HEMK2: variants seen among roughly 807,000 people sequenced by gnomAD.
HEMK2 encodes methyltransferase HEMK2.
the HEMK2 span, among the ~76,000 whole-genome samples, chr21:28,717,574 G>A: frequency 6.8e-6 from 1 of 146,712 alleles, no homozygotes; most frequent in Admixed American, 7.1e-5. Context: ...CCGCCTCCTG[G>A]GTTCAAGCAA....
At chr21:28,833,924 T>G in the HEMK2 span, among the ~76,000 whole-genome samples, 1 of 152,334 alleles carries the variant, frequency 6.6e-6, no homozygotes, top group East Asian at 1.9e-4. Flanking sequence ...GAAAGGCCTG[T>G]TTTCATGACT....
At chr21:28,715,959 G>A in the HEMK2 span, among the ~76,000 whole-genome samples, 7 of 152,068 alleles carry the variant, frequency 4.6e-5, no homozygotes, top group African/African-American at 1.4e-4. Context: ...GTACGCAGGA[G>A]GCTTTATTTC....
At chr21:28,804,517 T>C in the HEMK2 span, among the ~76,000 whole-genome samples, 1 of 152,092 alleles carries the variant, frequency 6.6e-6, no homozygotes, top group Admixed American at 6.5e-5. Context: ...AGAGGATCGT[T>C]TGAGCCCAGG....
chr21:28,883,209 T>G, the HEMK2 span: 3 of 500,340 alleles, frequency 6.0e-6, no homozygotes, highest in Non-Finnish European at 1.0e-5. Context: ...AATAGAAATT[T>G]ATAATTTCTG....
the HEMK2 span, among the ~76,000 whole-genome samples, chr21:28,623,146 A>G: frequency 0.021 from 3,182 of 152,276 alleles, 118 homozygotes; most frequent in African/African-American, 0.07. Flanking sequence ...ATTTACAAGA[A>G]AAAAACAACC....
At chr21:28,689,606 A>G in the HEMK2 span, among the ~76,000 whole-genome samples, 1 of 152,180 alleles carries the variant, frequency 6.6e-6, no homozygotes, top group African/African-American at 2.4e-5. Flanking sequence ...GCAGAATTCT[A>G]AAGACATCCT....
At chr21:28,766,809 A>G in the HEMK2 span, among the ~76,000 whole-genome samples, 1 of 152,084 alleles carries the variant, frequency 6.6e-6, no homozygotes, top group Non-Finnish European at 1.5e-5. Context: ...GAGGACACAA[A>G]GGCATAAGAA....
At chr21:28,721,594 G>A in the HEMK2 span, among the ~76,000 whole-genome samples, 1 of 152,166 alleles carries the variant, frequency 6.6e-6, no homozygotes, top group African/African-American at 2.4e-5. Flanking sequence ...ATAAACAGCT[G>A]AATTGGGAGG....
At chr21:28,654,617 T>C in the HEMK2 span, among the ~76,000 whole-genome samples, 3 of 152,128 alleles carry the variant, frequency 2.0e-5, no homozygotes, top group African/African-American at 7.2e-5. Context: ...ACACACATTT[T>C]AATGTATTTC....
the HEMK2 span, among the ~76,000 whole-genome samples, chr21:28,750,308 T>C: frequency 6.6e-6 from 1 of 152,224 alleles, no homozygotes; most frequent in Non-Finnish European, 1.5e-5. Flanking sequence ...AAGACCACAG[T>C]GTAGAACATC....
At chr21:28,649,469 G>A in the HEMK2 span, among the ~76,000 whole-genome samples, 1 of 152,196 alleles carries the variant, frequency 6.6e-6, no homozygotes, top group Non-Finnish European at 1.5e-5. Flanking sequence ...CACTGTTTTA[G>A]GAACTGGAAA....
the HEMK2 span, among the ~76,000 whole-genome samples, chr21:28,601,243 T>G: frequency 0.018 from 2,699 of 152,240 alleles, 106 homozygotes; most frequent in African/African-American, 0.063. Flanking sequence ...CACTACCATC[T>G]CACTGGGCGC....
At chr21:28,831,373 G>C in the HEMK2 span, among the ~76,000 whole-genome samples, 3 of 150,000 alleles carry the variant, frequency 2.0e-5, no homozygotes, top group Non-Finnish European at 4.4e-5. Flanking sequence ...TTGAACCTGG[G>C]AGGCAGAGTT....
chr21:28,821,151 T>C, the HEMK2 span, among the ~76,000 whole-genome samples: 1 of 152,176 alleles, frequency 6.6e-6, no homozygotes, highest in Non-Finnish European at 1.5e-5. Flanking sequence ...TTTTTGAAGA[T>C]TTTTCCTGCC....
At chr21:28,649,135 C>T in the HEMK2 span, among the ~76,000 whole-genome samples, 67 of 152,210 alleles carry the variant, frequency 4.4e-4, no homozygotes, top group Middle Eastern at 3.4e-3. Flanking sequence ...CTCTACGCCA[C>T]GGTACAGCAG....
At chr21:28,665,860 G>C in the HEMK2 span, among the ~76,000 whole-genome samples, 97 of 152,162 alleles carry the variant, frequency 6.4e-4, no homozygotes, top group African/African-American at 2.2e-3. Flanking sequence ...TGATAGACTG[G>C]ATTATATTTC....
chr21:28,694,367 T>A, the HEMK2 span, among the ~76,000 whole-genome samples: 2 of 152,210 alleles, frequency 1.3e-5, no homozygotes, highest in Non-Finnish European at 2.9e-5. Context: ...ATGCTCTAAG[T>A]ACTATGAGAA....
the HEMK2 span, among the ~76,000 whole-genome samples, chr21:28,590,869 G>A: frequency 6.6e-6 from 1 of 152,244 alleles, no homozygotes; most frequent in Non-Finnish European, 1.5e-5. Context: ...TAATGCAGCA[G>A]GCATGCATAA....
At chr21:28,666,909 G>T in the HEMK2 span, among the ~76,000 whole-genome samples, 1 of 152,168 alleles carries the variant, frequency 6.6e-6, no homozygotes, top group South Asian at 2.1e-4. Flanking sequence ...AAAACTAGTT[G>T]TTATGCAGTA....
Sources: gnomAD v4.1 joint callset for allele counts (sites outside exome capture counted in the v4.1 genomes callset) on GRCh38, gnomAD v4.1.1 for gene constraint, MANE v1.5 for transcripts, NCBI Gene and HGNC (gene_info 2026-07-23, HGNC 2026-07-21) for gene names.